SH3RF2: variants seen among roughly 807,000 people sequenced by gnomAD.
SH3RF2 encodes SH3 domain containing ring finger 2.
In SH3RF2, 43 loss-of-function variants were observed where a neutral mutation model predicts 59.0. That is an observed-to-expected ratio of 0.73 (90% confidence interval 0.57 to 0.94). The LOEUF (loss-of-function observed/expected upper bound fraction) is 0.94, where lower values mean the gene tolerates loss of function less well. Ranked by LOEUF, SH3RF2 falls within the 40% of genes least tolerant of loss-of-function variation. The pLI, the probability that SH3RF2 is intolerant of heterozygous loss-of-function variation, is 0.00. For synonymous variants in SH3RF2, 391 were observed against 391.5 expected (o/e 1.00, Z 0.01); for missense variants, 930 against 940.1 (o/e 0.99, Z 0.14).
chr5:146,032,609 CAG>C (rs1761781306), intron 5 of SH3RF2, among the ~76,000 whole-genome samples: 1 of 152,194 alleles, frequency 6.6e-6, no homozygotes, highest in South Asian at 2.1e-4. Flanking sequence ...GGTGTGGTGA[CAG>C]AGACAATCCA....
chr5:146,010,241 G>A (rs953173627), intron 4 of SH3RF2, among the ~76,000 whole-genome samples: 1 of 152,170 alleles, frequency 6.6e-6, no homozygotes, highest in African/African-American at 2.4e-5. Flanking sequence ...GTATTCCATG[G>A]TGTATATGTG....
downstream of SH3RF2, among the ~76,000 whole-genome samples, chr5:146,064,629 G>GGA (rs1763008663): frequency 1.2e-5 from 1 of 86,174 alleles, no homozygotes; most frequent in East Asian, 3.9e-4. Context: ...GAGAGAGAGA[G>GGA]GAGAGAGAGA....
intron 2 of SH3RF2, among the ~76,000 whole-genome samples, chr5:145,992,109 C>T (rs564159883): frequency 7.9e-5 from 12 of 152,242 alleles, no homozygotes; most frequent in South Asian, 2.1e-4. Flanking sequence ...CAATGCCTCA[C>T]GCCTATAATC....
At chr5:146,014,668 T>C (rs1266103126) in intron 5 of SH3RF2, among the ~76,000 whole-genome samples, 3 of 152,222 alleles carry the variant, frequency 2.0e-5, no homozygotes, top group African/African-American at 7.2e-5. Context: ...CCTGTGTGGC[T>C]ATGCAAGGCA....
At chr5:146,033,300 G>A (rs986264501) in intron 5 of SH3RF2, among the ~76,000 whole-genome samples, 1 of 152,048 alleles carries the variant, frequency 6.6e-6, no homozygotes, top group Admixed American at 6.5e-5. Context: ...TTAAGGGCAA[G>A]GAGTATGCTT....
intron 2 of SH3RF2, among the ~76,000 whole-genome samples, chr5:145,997,006 C>T (rs959077174): frequency 1.3e-5 from 2 of 152,146 alleles, no homozygotes; most frequent in East Asian, 1.9e-4. Flanking sequence ...ATGTAGGTGT[C>T]GTCTGAAAAC....
At chr5:146,051,406 C>A (rs1008074960) in intron 7 of SH3RF2, among the ~76,000 whole-genome samples, 7 of 152,102 alleles carry the variant, frequency 4.6e-5, no homozygotes, top group African/African-American at 1.7e-4. Context: ...AAGGGGGAAG[C>A]AGAAAAACTA....
At chr5:146,073,757 G>C (rs1352749321) in intron 9 of SH3RF2, among the ~76,000 whole-genome samples, 2 of 152,126 alleles carry the variant, frequency 1.3e-5, no homozygotes, top group Non-Finnish European at 2.9e-5. Flanking sequence ...CACAGATAAG[G>C]TTCCTACCTG....
intron 5 of SH3RF2, among the ~76,000 whole-genome samples, chr5:146,015,753 C>T (rs559270470): frequency 1.4e-4 from 21 of 152,344 alleles, no homozygotes; most frequent in Admixed American, 3.3e-4. Context: ...ATTATTACTT[C>T]GTAGTTTTCA....
At chr5:146,027,647 G>T (rs959562511) in intron 5 of SH3RF2, among the ~76,000 whole-genome samples, 1 of 152,206 alleles carries the variant, frequency 6.6e-6, no homozygotes, top group Non-Finnish European at 1.5e-5. Flanking sequence ...AGTATGTAAT[G>T]GAGGGTCCAC....
chr5:146,030,119 C>T (rs1761689326), intron 5 of SH3RF2, among the ~76,000 whole-genome samples: 1 of 152,182 alleles, frequency 6.6e-6, no homozygotes, highest in African/African-American at 2.4e-5. Context: ...GAAATGAGAA[C>T]AAATCTTTCC....
At chr5:145,961,397 G>T (rs1758626531) in intron 2 of SH3RF2, among the ~76,000 whole-genome samples, 1 of 152,104 alleles carries the variant, frequency 6.6e-6, no homozygotes, top group African/African-American at 2.4e-5. Flanking sequence ...TGTCCTGAGG[G>T]AAGGGAGAGA....
chr5:146,006,749 G>A lies in SH3RF2; in HGVS notation c.744+2596G>A, dbSNP rs139022966. The stretch of plus-strand genomic sequence containing the variant: ...GCTAGGTTATGCCGTGGCAATAAAC[G>A]GCACCAAAGTCTCAGTGGCTTAACA... On this transcript the variant is annotated intron_variant, in intron 4 of 9. Transcript: ENST00000359120. Among the ~76,000 whole-genome samples, 11 of 152,274 alleles carry A rather than the reference G, an allele frequency of 7.2e-5. No homozygotes were observed. The East Asian group carries it at 1.7e-3, about 24-fold the overall frequency.
chr5:145,947,895 G>A (rs1758054260), intron 2 of SH3RF2, among the ~76,000 whole-genome samples: 1 of 152,098 alleles, frequency 6.6e-6, no homozygotes, highest in Admixed American at 6.5e-5. Flanking sequence ...TTACCAAATA[G>A]CTTGTGGTCT....
At chr5:145,959,733 A>G (rs1758559177) in intron 2 of SH3RF2, among the ~76,000 whole-genome samples, 2 of 151,798 alleles carry the variant, frequency 1.3e-5, no homozygotes, top group African/African-American at 4.8e-5. Context: ...CAGAACCTCT[A>G]GGAGGGCTGA....
intron 5 of SH3RF2, among the ~76,000 whole-genome samples, chr5:146,040,124 T>C (rs966416651): frequency 2.0e-5 from 3 of 152,202 alleles, no homozygotes; most frequent in African/African-American, 7.2e-5. Context: ...TAGCTACCTC[T>C]GGGATAACTT....
chr5:146,011,706 C>A (rs1760907518), intron 4 of SH3RF2, among the ~76,000 whole-genome samples: 1 of 152,154 alleles, frequency 6.6e-6, no homozygotes, highest in African/African-American at 2.4e-5. Context: ...TTTAAGAATG[C>A]TTGTGATTTT....
intron 2 of SH3RF2, among the ~76,000 whole-genome samples, chr5:145,955,909 CCATT>C (rs1243798732): frequency 6.6e-6 from 1 of 152,104 alleles, no homozygotes; most frequent in Non-Finnish European, 1.5e-5. Flanking sequence ...GATAAAAAGG[CCATT>C]CAAACTTTAT....
intron 2 of SH3RF2, among the ~76,000 whole-genome samples, chr5:145,972,889 T>C (rs1473641538): frequency 1.3e-5 from 2 of 152,172 alleles, no homozygotes; most frequent in African/African-American, 2.4e-5. Flanking sequence ...CTTTGTTCTA[T>C]TTGCTGTTGC....
Sources: allele counts gnomAD v4.1 joint callset (sites outside exome capture counted in the v4.1 genomes callset), GRCh38; gene constraint gnomAD v4.1.1; transcripts MANE v1.5; gene names NCBI Gene and HGNC (gene_info 2026-07-23, HGNC 2026-07-21).